LINGO2: variants seen among roughly 807,000 people sequenced by gnomAD.
LINGO2 encodes leucine rich repeat and Ig domain containing 2.
A neutral mutation model predicts 30.6 loss-of-function variants in LINGO2; 14 were observed. The observed-to-expected ratio is 0.46, with a 90% CI of 0.30 to 0.72. The LOEUF is 0.72. Ranked by LOEUF, LINGO2 falls within the 30% of genes least tolerant of loss-of-function variation. The pLI is 0.07. For synonymous variants in LINGO2, 317 were observed against 288.5 expected (o/e 1.10, Z -1.00); for missense variants, 729 against 751.7 (o/e 0.97, Z 0.35).
chr9:29,103,753 T>G, the LINGO2 span, among the ~76,000 whole-genome samples: 1 of 152,164 alleles, frequency 6.6e-6, no homozygotes, highest in Non-Finnish European at 1.5e-5. Flanking sequence ...GGGAAGTTTA[T>G]GACACACAGT....
the LINGO2 span, among the ~76,000 whole-genome samples, chr9:29,111,144 CT>C: frequency 6.6e-6 from 1 of 152,084 alleles, no homozygotes; most frequent in African/African-American, 2.4e-5. Flanking sequence ...TAAAAAATCA[CT>C]GTATACATTT....
the LINGO2 span, among the ~76,000 whole-genome samples, chr9:28,709,263 G>A: frequency 6.6e-6 from 1 of 151,988 alleles, no homozygotes; most frequent in Non-Finnish European, 1.5e-5. Flanking sequence ...GTCAGTTAAA[G>A]GATGCCTGAC....
At chr9:29,149,266 TCTG>T in the LINGO2 span, among the ~76,000 whole-genome samples, 2 of 152,104 alleles carry the variant, frequency 1.3e-5, no homozygotes, top group South Asian at 4.1e-4. Flanking sequence ...TAGTAACTTA[TCTG>T]CTTGAGGCCA....
chr9:28,438,787 G>C (rs1253731608), intron 2 of LINGO2, among the ~76,000 whole-genome samples: 1 of 148,560 alleles, frequency 6.7e-6, no homozygotes, highest in Non-Finnish European at 1.5e-5. Flanking sequence ...AGCTGTGGAA[G>C]ATAGTTCTGA....
intron 3 of LINGO2, among the ~76,000 whole-genome samples, chr9:28,367,661 C>G (rs1371845490): frequency 6.6e-6 from 1 of 151,944 alleles, no homozygotes; most frequent in African/African-American, 2.4e-5. Context: ...CCCCTTTCTT[C>G]TCTCTCTGGA....
intron 5 of LINGO2, among the ~76,000 whole-genome samples, chr9:27,953,377 A>G (rs985655296): frequency 1.3e-5 from 2 of 152,182 alleles, no homozygotes; most frequent in African/African-American, 4.8e-5. Context: ...ATGTAACAGT[A>G]GGAATTTAGT....
chr9:29,195,185 T>C, the LINGO2 span, among the ~76,000 whole-genome samples: 7 of 152,206 alleles, frequency 4.6e-5, no homozygotes, highest in African/African-American at 1.4e-4. Context: ...TTCCTATAAA[T>C]GGTCAATCAA....
intron 4 of LINGO2, among the ~76,000 whole-genome samples, chr9:28,206,190 A>G (rs1396904368): frequency 2.9e-5 from 4 of 137,258 alleles, no homozygotes; most frequent in Admixed American, 7.4e-5. Context: ...AAAAAAAAAA[A>G]GGAGGAAGGA....
the LINGO2 span, among the ~76,000 whole-genome samples, chr9:28,729,014 T>C: frequency 6.6e-6 from 1 of 152,122 alleles, no homozygotes; most frequent in Non-Finnish European, 1.5e-5. Context: ...AAGTTTGTTC[T>C]CTGGAGATGT....
At chr9:28,342,906 T>C (rs1428466786) in intron 3 of LINGO2, among the ~76,000 whole-genome samples, 1 of 152,128 alleles carries the variant, frequency 6.6e-6, no homozygotes, top group Non-Finnish European at 1.5e-5. Context: ...TCGCTGTTCC[T>C]GGTGATCAAA....
At chr9:28,666,006 C>T (rs1828786713) in intron 1 of LINGO2, among the ~76,000 whole-genome samples, 1 of 151,720 alleles carries the variant, frequency 6.6e-6, no homozygotes, top group African/African-American at 2.4e-5. Context: ...ATTCTCCTGC[C>T]TCAGCCTCCT....
the LINGO2 span, among the ~76,000 whole-genome samples, chr9:28,751,288 CA>C: frequency 1.3e-4 from 11 of 82,018 alleles, no homozygotes; most frequent in African/African-American, 4.0e-4. Context: ...AAGATCCAGT[CA>C]AAAAAAAAAA....
intron 4 of LINGO2, among the ~76,000 whole-genome samples, chr9:28,018,493 A>AAT (rs147830476): frequency 0.022 from 3,341 of 152,294 alleles, 114 homozygotes; most frequent in African/African-American, 0.076. Context: ...AGAAACTTAA[A>AAT]ATAACAAGCA....
At position 27,977,558 on chromosome 9, in the gene LINGO2, C is replaced by T. The variant is rs942059946; in HGVS notation, c.-35-26852G>A. On this transcript the variant is annotated intron_variant, in intron 5 of 5. Coordinates refer to ENST00000379992, the Ensembl canonical transcript of LINGO2. Reference sequence around the variant, plus strand: ...ATTACAAATAACATTCTAGGGAGAGCTCTTGACTGCATATCCTCAGAAGAC... The same window carrying T: ...ATTACAAATAACATTCTAGGGAGAGTTCTTGACTGCATATCCTCAGAAGAC... 3.3e-5 allele frequency among the ~76,000 whole-genome samples: 5 copies of T among 151,960 alleles called. No homozygotes were observed. The East Asian group carries it at 9.7e-4, about 30-fold the overall frequency.
At chr9:28,800,815 C>G in the LINGO2 span, among the ~76,000 whole-genome samples, 3 of 152,036 alleles carry the variant, frequency 2.0e-5, no homozygotes, top group Admixed American at 1.3e-4. Context: ...CTCATCTTTT[C>G]TAAATTAACT....
At chr9:28,121,813 G>A (rs1259514421) in intron 4 of LINGO2, among the ~76,000 whole-genome samples, 1 of 152,124 alleles carries the variant, frequency 6.6e-6, no homozygotes, top group Non-Finnish European at 1.5e-5. Context: ...TACTCCACTA[G>A]AATATGAATC....
chr9:28,220,177 A>G (rs1015213017), intron 4 of LINGO2, among the ~76,000 whole-genome samples: 5 of 152,192 alleles, frequency 3.3e-5, no homozygotes, highest in African/African-American at 1.2e-4. Flanking sequence ...ATAAGGGACT[A>G]GAGAGTCTGG....
At chr9:28,238,950 A>G (rs143593006) in intron 4 of LINGO2, among the ~76,000 whole-genome samples, 1,732 of 152,204 alleles carry the variant, frequency 0.011, 35 homozygotes, top group African/African-American at 0.04. Context: ...AGATATGAAA[A>G]AAGGAGTAAT....
At chr9:28,021,975 T>C (rs1242180242) in intron 4 of LINGO2, among the ~76,000 whole-genome samples, 1 of 152,086 alleles carries the variant, frequency 6.6e-6, no homozygotes, top group Non-Finnish European at 1.5e-5. Flanking sequence ...TTTAAAGTAA[T>C]ATTGATAAAA....
Sources: gnomAD v4.1 joint callset for allele counts (sites outside exome capture counted in the v4.1 genomes callset) on GRCh38, gnomAD v4.1.1 for gene constraint, MANE v1.5 for transcripts, NCBI Gene and HGNC (gene_info 2026-07-23, HGNC 2026-07-21) for gene names.